TENM2: variants seen among roughly 807,000 people sequenced by gnomAD.
The protein encoded by TENM2 is teneurin-2.
Under a neutral mutation model 245.2 loss-of-function variants are expected in TENM2, and 52 were observed. The observed-to-expected ratio is 0.21, with a 90% CI of 0.17 to 0.27. TENM2 has a LOEUF of 0.27. Among genes scored for constraint, TENM2 ranks in the 10% least tolerant of loss-of-function variants. TENM2 has a pLI of 1.00. For synonymous variants in TENM2, 1,363 were observed against 1,438.9 expected, an observed-to-expected ratio of 0.95 and a Z score of 1.19; for missense variants, 3,046 against 3,666.8, an observed-to-expected ratio of 0.83 and a Z score of 4.37.
chr5:167,266,193 C>T, the TENM2 span, among the ~76,000 whole-genome samples: 1 of 152,076 alleles, frequency 6.6e-6, no homozygotes, highest in Non-Finnish European at 1.5e-5. Context: ...CACTAATCAT[C>T]TCAAGGAGAG....
chr5:167,619,674 T>C (rs1008751207), intron 2 of TENM2, among the ~76,000 whole-genome samples: 1 of 152,192 alleles, frequency 6.6e-6, no homozygotes, highest in Non-Finnish European at 1.5e-5. Context: ...GTAAAAGCAC[T>C]GGCCCTCCTG....
the TENM2 span, among the ~76,000 whole-genome samples, chr5:167,093,511 G>C: frequency 6.6e-6 from 1 of 152,318 alleles, no homozygotes; most frequent in South Asian, 2.1e-4. Context: ...GGCAACAAAA[G>C]TCATAGCCTA....
At chr5:167,843,854 G>A (rs1374722712) in intron 2 of TENM2, among the ~76,000 whole-genome samples, 3 of 152,166 alleles carry the variant, frequency 2.0e-5, no homozygotes, top group Non-Finnish European at 2.9e-5. Context: ...ATGATCTTCA[G>A]AGAAAACACT....
chr5:167,675,041 G>A (rs1756221111), intron 2 of TENM2, among the ~76,000 whole-genome samples: 2 of 152,070 alleles, frequency 1.3e-5, no homozygotes, highest in African/African-American at 2.4e-5. Context: ...TCAAACTGAT[G>A]TGCTGTCTGA....
At chr5:167,168,491 T>C in the TENM2 span, 2 of 152,246 alleles carry the variant, frequency 1.3e-5, no homozygotes, top group African/African-American at 4.8e-5. Context: ...GCCAATGATA[T>C]CTTCATCATC....
At chr5:168,137,457 C>A (rs1755148826) in intron 12 of TENM2, among the ~76,000 whole-genome samples, 1 of 152,256 alleles carries the variant, frequency 6.6e-6, no homozygotes, top group African/African-American at 2.4e-5. Context: ...CTCACAAGCA[C>A]AGAGGAAATG....
At chr5:167,366,070 G>A (rs1331801578) in intron 1 of TENM2, among the ~76,000 whole-genome samples, 4 of 147,792 alleles carry the variant, frequency 2.7e-5, no homozygotes, top group African/African-American at 1.0e-4. Flanking sequence ...ACAGTAGGTA[G>A]AGTCAGAAAA....
intron 2 of TENM2, among the ~76,000 whole-genome samples, chr5:167,754,160 G>T (rs1440213310): frequency 2.0e-5 from 3 of 152,148 alleles, no homozygotes; most frequent in African/African-American, 7.2e-5. Context: ...CAGACATGAT[G>T]GATAGTTGTT....
intron 7 of TENM2, among the ~76,000 whole-genome samples, chr5:168,089,296 T>C (rs932231494): frequency 2.0e-5 from 3 of 152,174 alleles, no homozygotes; most frequent in Non-Finnish European, 4.4e-5. Flanking sequence ...CTGCAATCAC[T>C]TCCTAATTGG....
At chr5:167,595,430 G>A (rs1418300987) in intron 2 of TENM2, among the ~76,000 whole-genome samples, 1 of 152,158 alleles carries the variant, frequency 6.6e-6, no homozygotes, top group South Asian at 2.1e-4. Context: ...GAAACTGACT[G>A]GATTTTGTCC....
the TENM2 span, among the ~76,000 whole-genome samples, chr5:167,108,848 A>G: frequency 6.6e-6 from 1 of 152,238 alleles, no homozygotes; most frequent in African/African-American, 2.4e-5. Context: ...CCTGAATAAA[A>G]GAGCTCCAAA....
Position 167,988,887 on chromosome 5 carries a change from G to A in TENM2, c.948-4057G>A, listed in dbSNP as rs545940891. On this transcript the variant is annotated intron_variant, in intron 4 of 28. Coordinates refer to ENST00000518659, the Ensembl canonical transcript of TENM2. ...CAAGGGAACATTTTTAGGATTTCACGAAGCAGTGCCATATGCAAGATATAA... is the reference window on the plus strand; with the variant it reads ...CAAGGGAACATTTTTAGGATTTCACAAAGCAGTGCCATATGCAAGATATAA... Among the ~76,000 whole-genome samples, 52 of 152,320 alleles carry A rather than the reference G, an allele frequency of 3.4e-4. No individual in the cohort carries two copies. In the South Asian group the frequency reaches 5.4e-3, roughly 16 times the overall value.
intron 2 of TENM2, among the ~76,000 whole-genome samples, chr5:167,737,726 A>G (rs1397688764): frequency 6.6e-6 from 1 of 152,224 alleles, no homozygotes; most frequent in Non-Finnish European, 1.5e-5. Flanking sequence ...CTGTTGATGT[A>G]GCACTGCCTC....
chr5:167,567,507 C>T lies in TENM2; in HGVS notation c.502+192034C>T, dbSNP rs190404235. On this transcript the variant is annotated intron_variant, in intron 2 of 28. Transcript: ENST00000518659. ...GAGACCCTATAGAATTGAGAACTCT[C>T]TCTCTGAGGATTAGCTGCCCATGGG... Among the ~76,000 whole-genome samples, 21 of 152,270 alleles carry T rather than the reference C, an allele frequency of 1.4e-4. No homozygotes were observed. The East Asian group carries it at 4.1e-3, about 29-fold the overall frequency.
rs58985992 is a variant in TENM2, at chr5:167,640,860, C to CATATATATATATATAT, written c.503-235095_503-235080dup. 9.5e-4 allele frequency among the ~76,000 whole-genome samples: 45 copies of CATATATATATATATAT among 47,396 alleles called. 1 individual carries two copies. Among genetic ancestry groups the CATATATATATATATAT allele is most frequent in the Admixed American group, 2.0e-3 (6 of 3,030 alleles). The allele number at this position is 47,396 out of a possible 152,430, so 31.1% of individuals were successfully genotyped here. ...ATATATCCATATATATATATATATC[C>CATATATATATATATAT]ATATATATATATATATATATATATA... On this transcript the variant is annotated intron_variant, in intron 2 of 28. Transcript: ENST00000518659.
intron 2 of TENM2, among the ~76,000 whole-genome samples, chr5:167,874,705 G>A (rs1448516849): frequency 6.6e-6 from 1 of 152,234 alleles, no homozygotes; most frequent in African/African-American, 2.4e-5. Flanking sequence ...CAAAAGTATA[G>A]GTGGTGATTG....
At chr5:168,197,699 CAA>C (rs71593165) in intron 15 of TENM2, among the ~76,000 whole-genome samples, 1,891 of 83,624 alleles carry the variant, frequency 0.023, 54 homozygotes, top group African/African-American at 0.067. Context: ...GACTCCATCC[CAA>C]AAAAAAAAAA....
intron 2 of TENM2, among the ~76,000 whole-genome samples, chr5:167,857,433 C>T (rs916118051): frequency 6.6e-6 from 1 of 152,192 alleles, no homozygotes; most frequent in African/African-American, 2.4e-5. Flanking sequence ...TGAATTTCTT[C>T]CCCTAGGCAG....
At chr5:167,758,024 A>G (rs1762421946) in intron 2 of TENM2, among the ~76,000 whole-genome samples, 1 of 152,158 alleles carries the variant, frequency 6.6e-6, no homozygotes, top group South Asian at 2.1e-4. Flanking sequence ...ATCTGTCAAT[A>G]CATAAGTGCA....
Sources: gnomAD v4.1 joint callset for allele counts (sites outside exome capture counted in the v4.1 genomes callset) on GRCh38, gnomAD v4.1.1 for gene constraint, MANE v1.5 for transcripts, NCBI Gene and HGNC (gene_info 2026-07-23, HGNC 2026-07-21) for gene names.